The following AGBL4 variants were observed in gnomAD, a reference collection of about 807,000 sequenced individuals.
AGBL4 encodes cytosolic carboxypeptidase 6.
AGBL4 carries 58 observed loss-of-function variants against 66.4 expected under a neutral mutation model. The observed-to-expected ratio is 0.87, with a 90% CI of 0.71 to 1.09. AGBL4 has a LOEUF of 1.09. AGBL4 is among the 50% of genes least tolerant of loss of function. The pLI, the probability that AGBL4 is intolerant of heterozygous loss-of-function variation, is 0.00. For synonymous variants in AGBL4, 234 were observed against 222.9 expected (o/e 1.05, Z -0.44); for missense variants, 579 against 631.0 (o/e 0.92, Z 0.88).
intron 2 of AGBL4, among the ~76,000 whole-genome samples, chr1:49,743,337 T>G (rs1034180639): frequency 5.9e-5 from 9 of 152,008 alleles, no homozygotes; most frequent in Non-Finnish European, 1.0e-4. Context: ...GAAATGCAAA[T>G]CAAAACCACA....
At chr1:48,683,409 A>G (rs1469325174) in intron 6 of AGBL4, among the ~76,000 whole-genome samples, 2 of 152,218 alleles carry the variant, frequency 1.3e-5, no homozygotes, top group Non-Finnish European at 1.5e-5. Context: ...TTTCAACTGG[A>G]CTGACAGAGC....
chr1:49,262,002 G>T (rs941434443), intron 3 of AGBL4, among the ~76,000 whole-genome samples: 2 of 151,168 alleles, frequency 1.3e-5, no homozygotes, highest in African/African-American at 4.9e-5. Context: ...CAGAAATAAC[G>T]CCGCATATCT....
At chr1:48,720,286 G>C (rs1318681335) in intron 6 of AGBL4, among the ~76,000 whole-genome samples, 1 of 152,192 alleles carries the variant, frequency 6.6e-6, no homozygotes, top group Admixed American at 6.5e-5. Flanking sequence ...CAGGGAGAAG[G>C]GTTCCAACCC....
At chr1:49,571,898 T>C (rs1032276784) in intron 3 of AGBL4, among the ~76,000 whole-genome samples, 1 of 152,184 alleles carries the variant, frequency 6.6e-6, no homozygotes, top group African/African-American at 2.4e-5. Flanking sequence ...TGAACCATTC[T>C]TGCAAGCCTG....
intron 2 of AGBL4, among the ~76,000 whole-genome samples, chr1:49,738,175 G>C (rs749820869): frequency 1.7e-4 from 26 of 152,228 alleles, no homozygotes; most frequent in Non-Finnish European, 3.4e-4. Context: ...AGCGGTGACT[G>C]AAGGCACCTG....
chr1:49,876,087 T>A (rs1276193389), intron 1 of AGBL4, among the ~76,000 whole-genome samples: 1 of 149,652 alleles, frequency 6.7e-6, no homozygotes, highest in African/African-American at 2.5e-5. Context: ...GTTGCGAAAA[T>A]TTTCTCCCAT....
chr1:49,243,259 G>C (rs897589357), intron 4 of AGBL4, among the ~76,000 whole-genome samples: 2 of 151,720 alleles, frequency 1.3e-5, no homozygotes, highest in Non-Finnish European at 1.5e-5. Flanking sequence ...GCTAGAATTA[G>C]AAAGACACTG....
chr1:49,403,109 G>GA, intron 3 of AGBL4, among the ~76,000 whole-genome samples: 1 of 152,178 alleles, frequency 6.6e-6, no homozygotes, highest in East Asian at 1.9e-4. Flanking sequence ...TATTGTATTG[G>GA]AAAAAATCTT....
chr1:48,607,491 G>A (rs7523833), intron 9 of AGBL4, among the ~76,000 whole-genome samples: 15,280 of 152,052 alleles, frequency 0.1, 1,047 homozygotes, highest in African/African-American at 0.19. Flanking sequence ...GGTGGTGTGC[G>A]CCTGTAATCC....
intron 11 of AGBL4, among the ~76,000 whole-genome samples, chr1:48,564,758 TCAAC>T (rs1243277777): frequency 6.6e-6 from 1 of 152,100 alleles, no homozygotes; most frequent in Non-Finnish European, 1.5e-5. Context: ...AACTCAAAAC[TCAAC>T]CAACCAACCA....
intron 6 of AGBL4, chr1:48,742,671 G>A (rs1323995205): frequency 1.2e-6 from 2 of 1,610,756 alleles, no homozygotes; most frequent in African/African-American, 1.3e-5. Flanking sequence ...CAGGAGCGGG[G>A]TAATAGGACG....
At chr1:49,751,548 T>C (rs1013162445) in intron 2 of AGBL4, among the ~76,000 whole-genome samples, 3 of 152,170 alleles carry the variant, frequency 2.0e-5, no homozygotes, top group Admixed American at 6.5e-5. Flanking sequence ...TTTTCTTTTG[T>C]GTTGGATCTC....
intron 1 of AGBL4, among the ~76,000 whole-genome samples, chr1:49,918,700 A>G (rs1571870084): frequency 6.6e-6 from 1 of 152,368 alleles, no homozygotes; most frequent in East Asian, 1.9e-4. Flanking sequence ...TATTCCAAAC[A>G]ATAGAAAAAG....
intron 2 of AGBL4, among the ~76,000 whole-genome samples, chr1:49,719,675 A>G (rs1389501737): frequency 6.6e-6 from 1 of 152,132 alleles, no homozygotes; most frequent in Non-Finnish European, 1.5e-5. Flanking sequence ...AAAGCCTTTT[A>G]TGTGATTTGG....
intron 1 of AGBL4, among the ~76,000 whole-genome samples, chr1:49,893,603 T>C (rs1356092435): frequency 1.3e-5 from 2 of 152,100 alleles, no homozygotes; most frequent in African/African-American, 2.4e-5. Context: ...CTGCGAGCTA[T>C]GGTAGTGGTA....
intron 6 of AGBL4, among the ~76,000 whole-genome samples, chr1:48,703,038 C>A (rs1646826906): frequency 6.6e-6 from 1 of 152,008 alleles, no homozygotes; most frequent in Non-Finnish European, 1.5e-5. Flanking sequence ...GATGATTAAG[C>A]AAAACAAAAT....
At chr1:49,847,877 A>T (rs1202742280) in intron 2 of AGBL4, among the ~76,000 whole-genome samples, 1 of 151,958 alleles carries the variant, frequency 6.6e-6, no homozygotes, top group Non-Finnish European at 1.5e-5. Context: ...AATTTTTTGT[A>T]TTTTTAGTAC....
intron 3 of AGBL4, among the ~76,000 whole-genome samples, chr1:49,438,736 A>C (rs1645960240): frequency 6.6e-6 from 1 of 152,198 alleles, no homozygotes; most frequent in Non-Finnish European, 1.5e-5. Context: ...TAGAAAGACA[A>C]ATAAAAAATT....
chr1:48,803,831 A>G (rs1238222647), intron 6 of AGBL4, among the ~76,000 whole-genome samples: 3 of 152,160 alleles, frequency 2.0e-5, no homozygotes, highest in Non-Finnish European at 4.4e-5. Flanking sequence ...CACTATCTGA[A>G]TGGTTCTTCT....
Sources: allele counts gnomAD v4.1 joint callset (sites outside exome capture counted in the v4.1 genomes callset), GRCh38; gene constraint gnomAD v4.1.1; transcripts MANE v1.5; gene names NCBI Gene and HGNC (gene_info 2026-07-23, HGNC 2026-07-21).